Variants in SPAG16 observed in about 807,000 individuals in gnomAD.
SPAG16 encodes sperm associated antigen 16, also known as sperm-associated antigen 16 protein.
Under a neutral mutation model 80.4 loss-of-function variants are expected in SPAG16, and 86 were observed. The ratio of observed to expected loss-of-function variants is 1.07; its 90% CI spans 0.90 to 1.28. The LOEUF (loss-of-function observed/expected upper bound fraction) is 1.28, where lower values mean the gene tolerates loss of function less well. SPAG16 is among the 50% of genes most tolerant of loss of function. SPAG16 has a pLI of 0.00. For missense variants in SPAG16, 870 were observed against 765.3 expected (o/e 1.14, Z -1.61); for synonymous variants, 294 against 265.9 (o/e 1.11, Z -1.03).
intron 10 of SPAG16, among the ~76,000 whole-genome samples, chr2:213,564,159 A>G (rs2059684171): frequency 6.6e-6 from 1 of 152,096 alleles, no homozygotes; most frequent in African/African-American, 2.4e-5. Context: ...TGATATTTCA[A>G]TGATTGACTG....
In SPAG16 at chr2:214,259,504, C is replaced by T. The variant is rs1456412609; in HGVS notation, c.1720+110238C>T. Among the ~76,000 whole-genome samples the T allele has an allele frequency of 5.8e-4, 72 of 124,068 alleles. No individual in the cohort carries two copies. The East Asian group carries it at 0.017, about 29-fold the overall frequency. The allele number at this position is 124,068 out of a possible 152,430, so 81.4% of individuals were successfully genotyped here. A position where few individuals can be genotyped will look rare whatever the true frequency, so the allele number is the denominator to read the frequency against. ...TTTTTTTTTTTTTTTTACTTTCTGG[C>T]TCTCTCCTTTCCTGGATTGTCACCT... On this transcript the variant is annotated intron_variant, in intron 15 of 15. Transcript: ENST00000331683.
chr2:213,819,602 T>C (rs1014313288), intron 10 of SPAG16, among the ~76,000 whole-genome samples: 2 of 152,102 alleles, frequency 1.3e-5, no homozygotes, highest in Non-Finnish European at 2.9e-5. Flanking sequence ...TAAAGTGCAA[T>C]GGCACAATTA....
intron 15 of SPAG16, among the ~76,000 whole-genome samples, chr2:214,248,507 C>T (rs1049422131): frequency 2.6e-5 from 4 of 151,674 alleles, no homozygotes; most frequent in South Asian, 4.2e-4. Context: ...TTAGTAGAGA[C>T]GGGATTTCAC....
intron 10 of SPAG16, among the ~76,000 whole-genome samples, chr2:213,779,728 G>A (rs1012427344): frequency 1.3e-5 from 2 of 152,180 alleles, no homozygotes; most frequent in Admixed American, 6.5e-5. Context: ...GATCAACTTA[G>A]CCTACTCAGG....
chr2:213,455,659 A>G (rs781308938), intron 9 of SPAG16, among the ~76,000 whole-genome samples: 28 of 152,148 alleles, frequency 1.8e-4, no homozygotes, highest in Non-Finnish European at 8.8e-5. Flanking sequence ...AGAATCTTAT[A>G]AGGAGCTTGC....
intron 9 of SPAG16, among the ~76,000 whole-genome samples, chr2:213,428,229 A>G (rs559610741): frequency 9.8e-5 from 15 of 152,302 alleles, no homozygotes; most frequent in African/African-American, 2.9e-4. Flanking sequence ...GTGAAGTCCC[A>G]ATATAGGAGA....
chr2:213,426,816 C>A (rs963851397), intron 9 of SPAG16, among the ~76,000 whole-genome samples: 1 of 123,200 alleles, frequency 8.1e-6, no homozygotes, highest in South Asian at 3.2e-4. Flanking sequence ...TGAACTTTTT[C>A]AAAAGATTAT....
At chr2:214,250,627 A>G (rs1336077120) in intron 15 of SPAG16, among the ~76,000 whole-genome samples, 1 of 146,738 alleles carries the variant, frequency 6.8e-6, no homozygotes, top group African/African-American at 2.5e-5. Context: ...CTTTAGAAAA[A>G]TATATAAATA....
chr2:213,434,332 A>G (rs1236234428), intron 9 of SPAG16, among the ~76,000 whole-genome samples: 1 of 152,242 alleles, frequency 6.6e-6, no homozygotes, highest in African/African-American at 2.4e-5. Flanking sequence ...GTTGGATTAA[A>G]GTCTTAAATA....
At chr2:214,245,448 A>G (rs1290544701) in intron 15 of SPAG16, among the ~76,000 whole-genome samples, 2 of 152,144 alleles carry the variant, frequency 1.3e-5, no homozygotes, top group Non-Finnish European at 2.9e-5. Context: ...TTAGATGTTT[A>G]AAAAAGGTAT....
At chr2:214,186,572 C>G (rs2057484292) in intron 15 of SPAG16, among the ~76,000 whole-genome samples, 1 of 151,936 alleles carries the variant, frequency 6.6e-6, no homozygotes, top group South Asian at 2.1e-4. Context: ...ACAGCTTCCC[C>G]CTCCTTCCAC....
At chr2:213,736,353 GTGTGATCTC>G (rs2125440728) in intron 10 of SPAG16, among the ~76,000 whole-genome samples, 1 of 152,012 alleles carries the variant, frequency 6.6e-6, no homozygotes, top group South Asian at 2.1e-4. Flanking sequence ...GAGTGCAGTG[GTGTGATCTC>G]GGCTCACTGT....
rs114872032 is a variant in SPAG16 at position 213,866,465 on chromosome 2, T to C, written c.1214+3837T>C. On this transcript the variant is annotated intron_variant, in intron 11 of 15. Transcript: ENST00000331683. ...GACATCATATAATAAATTATACTTA[T>C]AGATATTGGAAGTTACTTTAAAAAG... Among the ~76,000 whole-genome samples, 727 of 152,254 alleles carry C rather than the reference T, an allele frequency of 4.8e-3. 7 individuals are homozygous for C. The highest frequency in any genetic ancestry group is 0.017 in the African/African-American group (699 of 41,532).
chr2:213,854,749 A>T (rs1347371354), intron 10 of SPAG16, among the ~76,000 whole-genome samples: 1 of 152,266 alleles, frequency 6.6e-6, no homozygotes, highest in Non-Finnish European at 1.5e-5. Flanking sequence ...GCTAGCTAAC[A>T]CTGGAACAAG....
At chr2:213,615,987 C>T (rs1046862397) in intron 10 of SPAG16, among the ~76,000 whole-genome samples, 6 of 152,082 alleles carry the variant, frequency 3.9e-5, no homozygotes, top group Non-Finnish European at 7.4e-5. Flanking sequence ...TACAGCAAAC[C>T]ACCATGGCAC....
intron 13 of SPAG16, among the ~76,000 whole-genome samples, chr2:214,019,831 G>A (rs192347859): frequency 6.6e-6 from 1 of 152,042 alleles, no homozygotes; most frequent in African/African-American, 2.4e-5. Context: ...AACATCCTAG[G>A]TTCTCGAGAG....
intron 10 of SPAG16, among the ~76,000 whole-genome samples, chr2:213,550,033 G>A (rs1019206254): frequency 6.6e-6 from 1 of 151,960 alleles, no homozygotes; most frequent in Non-Finnish European, 1.5e-5. Flanking sequence ...ACAAAAAGAT[G>A]CTTTTAAGTT....
At chr2:214,275,326 T>A (rs1490464718) in intron 15 of SPAG16, among the ~76,000 whole-genome samples, 1 of 152,228 alleles carries the variant, frequency 6.6e-6, no homozygotes, top group African/African-American at 2.4e-5. Context: ...AGTTATTTTT[T>A]GCCTTCTGCT....
intron 15 of SPAG16, among the ~76,000 whole-genome samples, chr2:214,359,003 T>G (rs758965310): frequency 6.6e-6 from 1 of 151,914 alleles, no homozygotes; most frequent in Non-Finnish European, 1.5e-5. Context: ...CACAGAGTTA[T>G]AAGAGGAAAG....
Sources: gnomAD v4.1 joint callset for allele counts (sites outside exome capture counted in the v4.1 genomes callset) on GRCh38, gnomAD v4.1.1 for gene constraint, MANE v1.5 for transcripts, NCBI Gene and HGNC (gene_info 2026-07-23, HGNC 2026-07-21) for gene names.